The following CTDSPL variants were observed in gnomAD, a reference collection of about 807,000 sequenced individuals.
CTDSPL encodes CTD small phosphatase-like protein.
In CTDSPL, 8 loss-of-function variants were observed where a neutral mutation model predicts 30.5. The observed-to-expected ratio is 0.26, with a 90% confidence interval of 0.15 to 0.47. The LOEUF is 0.47. CTDSPL is among the 20% of genes least tolerant of loss of function. The pLI, the probability that CTDSPL is intolerant of heterozygous loss-of-function variation, is 0.99. For missense variants in CTDSPL, 248 were observed against 366.1 expected, an observed-to-expected ratio of 0.68 and a Z score of 2.63; for synonymous variants, 110 against 137.9, an observed-to-expected ratio of 0.80 and a Z score of 1.42.
At chr3:37,936,020 T>G (rs551732053) in intron 1 of CTDSPL, among the ~76,000 whole-genome samples, 2 of 152,288 alleles carry the variant, frequency 1.3e-5, no homozygotes, top group East Asian at 3.9e-4. Context: ...TCAGGGGCTT[T>G]GCACACACAA....
At chr3:37,960,206 C>G (rs1424665750) in intron 3 of CTDSPL, among the ~76,000 whole-genome samples, 1 of 151,184 alleles carries the variant, frequency 6.6e-6, no homozygotes, top group Admixed American at 6.6e-5. Flanking sequence ...TTAGGCTGGG[C>G]GTGGTAGCTC....
chr3:37,975,295 C>G lies in CTDSPL; in HGVS notation c.520-414C>G, dbSNP rs1028681590. 2.6e-5 allele frequency among the ~76,000 whole-genome samples: 4 copies of G among 152,158 alleles called. No individual in the cohort carries two copies. Among genetic ancestry groups the G allele is most frequent in the Non-Finnish European group, 4.4e-5 (3 of 68,030 alleles). ...TGTGTAGACAGTGGAGAGTTTTCAG[C>G]AGAGGAGTGACATGATGGCACATAT... On this transcript the variant is annotated intron_variant, in intron 6 of 7. Transcript: ENST00000273179. The surrounding 1 kb of genome is among the most constrained non-coding windows in gnomAD (Gnocchi z 4.9).
chr3:37,961,438 G>A (rs1699243993), intron 3 of CTDSPL, among the ~76,000 whole-genome samples: 1 of 152,144 alleles, frequency 6.6e-6, no homozygotes, highest in African/African-American at 2.4e-5. Flanking sequence ...CACTGAGGCT[G>A]TGTCCTGAGT....
At chr3:37,881,186 C>T (rs541408565) in intron 1 of CTDSPL, among the ~76,000 whole-genome samples, 86 of 152,154 alleles carry the variant, frequency 5.7e-4, no homozygotes, top group Non-Finnish European at 1.0e-3. Context: ...CCCCTTGATT[C>T]TCTTTAGGTA....
At chr3:37,917,872 A>G (rs1698667780) in intron 1 of CTDSPL, among the ~76,000 whole-genome samples, 1 of 152,234 alleles carries the variant, frequency 6.6e-6, no homozygotes, top group Admixed American at 6.5e-5. Context: ...TATCGGAGAA[A>G]ATTGCTGGAT....
chr3:37,944,470 G>A (rs957558011), intron 1 of CTDSPL, among the ~76,000 whole-genome samples: 1 of 150,226 alleles, frequency 6.7e-6, no homozygotes, highest in African/African-American at 2.4e-5. Context: ...ATAGCTGGGG[G>A]AGAGAAGTAG....
chr3:37,913,749 C>G (rs528511463), intron 1 of CTDSPL, among the ~76,000 whole-genome samples: 15 of 152,196 alleles, frequency 9.9e-5, no homozygotes, highest in Non-Finnish European at 1.6e-4. Flanking sequence ...GCTCCAGGAA[C>G]CTACCAGCGT....
intron 1 of CTDSPL, among the ~76,000 whole-genome samples, chr3:37,876,022 C>T (rs1698130901): frequency 6.6e-6 from 1 of 151,972 alleles, no homozygotes; most frequent in African/African-American, 2.4e-5. Flanking sequence ...GTGGGAGGAT[C>T]ACTGGGGCCC....
At chr3:37,869,940 G>A (rs910376500) in intron 1 of CTDSPL, among the ~76,000 whole-genome samples, 8 of 152,084 alleles carry the variant, frequency 5.3e-5, no homozygotes, top group South Asian at 4.1e-4. Context: ...CCAGACTTGC[G>A]TCCATGGAAT....
At chr3:37,869,645 T>C (rs925316279) in intron 1 of CTDSPL, among the ~76,000 whole-genome samples, 5 of 152,168 alleles carry the variant, frequency 3.3e-5, no homozygotes, top group African/African-American at 9.6e-5. Context: ...TTTAGCAGTA[T>C]GTCGAACAAG....
rs767139420 is a variant in CTDSPL, at chr3:37,964,603, G to A, written c.300G>A (p.Thr100=). 31 of 1,613,716 alleles carry A rather than the reference G, an allele frequency of 1.9e-5. No individual in the cohort carries two copies. The South Asian group carries it at 2.1e-4, about 11-fold the overall frequency. The change falls in exon 4 of 8, where the codon ACG becomes ACA. Residue 100 remains threonine, a synonymous_variant. Coordinates refer to ENST00000273179, the MANE Select transcript of CTDSPL (RefSeq NM_001008392.2). The stretch of plus-strand genomic sequence containing the variant: ...CTAAGTACCTTCTTCCAGAGGTGAC[G>A]GTGCTTGACTATGGAAAGAAATGTG... ...PPAKYLLPEV[T]VLDYGKKCVV...
intron 1 of CTDSPL, among the ~76,000 whole-genome samples, chr3:37,933,358 C>T (rs1421094742): frequency 3.3e-5 from 5 of 152,146 alleles, no homozygotes; most frequent in Admixed American, 2.0e-4. Context: ...TCCCAGGGGA[C>T]AACCAGTTAG....
At chr3:37,971,057 G>A (rs554123307) in intron 5 of CTDSPL, among the ~76,000 whole-genome samples, 12 of 152,320 alleles carry the variant, frequency 7.9e-5, no homozygotes, top group Non-Finnish European at 1.6e-4. Flanking sequence ...CTGACCCTCA[G>A]CAGGTGCCAA....
chr3:37,934,834 T>C (rs920417451), intron 1 of CTDSPL, among the ~76,000 whole-genome samples: 24 of 152,328 alleles, frequency 1.6e-4, no homozygotes, highest in African/African-American at 5.1e-4. Context: ...TCCGTCCATA[T>C]AGTCATTCAC....
intron 1 of CTDSPL, among the ~76,000 whole-genome samples, chr3:37,927,510 A>G (rs9835886): frequency 0.31 from 46,508 of 151,798 alleles, 9,084 homozygotes; most frequent in African/African-American, 0.55. Context: ...ACCATGTGTG[A>G]TGAAGATTGC....
chr3:37,892,329 A>G (rs1423274227), intron 1 of CTDSPL, among the ~76,000 whole-genome samples: 1 of 152,260 alleles, frequency 6.6e-6, no homozygotes, highest in Admixed American at 6.5e-5. Context: ...GAAGGAATAC[A>G]TATAAAGGCA....
chr3:37,893,429 G>C (rs1320093332), intron 1 of CTDSPL, among the ~76,000 whole-genome samples: 1 of 152,114 alleles, frequency 6.6e-6, no homozygotes, highest in Non-Finnish European at 1.5e-5. Context: ...GAGCTCTCTG[G>C]GGAACTATTT....
chr3:37,872,451 T>C (rs990736395), intron 1 of CTDSPL, among the ~76,000 whole-genome samples: 11 of 151,958 alleles, frequency 7.2e-5, no homozygotes, highest in African/African-American at 2.7e-4. Context: ...CTGTTTTGGT[T>C]GGTTTTCTCT....
chr3:37,956,875 T>A (rs1699180305), intron 2 of CTDSPL, among the ~76,000 whole-genome samples: 1 of 152,216 alleles, frequency 6.6e-6, no homozygotes, highest in Non-Finnish European at 1.5e-5. Context: ...CAAAATGGTT[T>A]GTGAGTCTCA....
Sources: allele counts gnomAD v4.1 joint callset (sites outside exome capture counted in the v4.1 genomes callset), GRCh38; gene constraint gnomAD v4.1.1; non-coding constraint Gnocchi (gnomAD v3.1); transcripts MANE v1.5; gene names NCBI Gene and HGNC (gene_info 2026-07-23, HGNC 2026-07-21).